The following STAG1 variants were observed in gnomAD, a reference collection of about 807,000 sequenced individuals.
STAG1 encodes the protein STAG1 cohesin complex component.
STAG1 carries 26 observed loss-of-function variants against 170.9 expected under a neutral mutation model. That is an observed-to-expected ratio of 0.15 (90% CI 0.11 to 0.21). STAG1 has a LOEUF of 0.21. Ranked by LOEUF, STAG1 falls within the 10% of genes least tolerant of loss-of-function variation. The pLI is 1.00. For missense variants in STAG1, 964 were observed against 1,509.5 expected (o/e 0.64, Z 5.99); for synonymous variants, 514 against 497.7 (o/e 1.03, Z -0.44).
At chr3:136,655,734 A>T (rs1941350310) in intron 1 of STAG1, among the ~76,000 whole-genome samples, 1 of 152,126 alleles carries the variant, frequency 6.6e-6, no homozygotes, top group Non-Finnish European at 1.5e-5. Context: ...TCTGCACTCC[A>T]GCCTGGGTGG....
In STAG1 at chr3:136,343,884, G is replaced by C; in HGVS notation, c.3394C>G (p.Gln1132Glu). Residue 1132 changes from glutamine to glutamate, a missense_variant, in exon 30 of 34, where the codon CAG becomes GAG. By Grantham distance (29) the Gln-to-Glu change is conservative (BLOSUM62 2). Around this residue, in one of 11 missense-constraint regions of STAG1, gnomAD observed 122 missense variants for 129.0 expected, o/e 0.95. Transcript: ENST00000383202. ...LRENSRPMGD[Q>E]IQEPESEHGS... The stretch of plus-strand genomic sequence containing the variant: ...TGTTCAGACTCAGGTTCTTGAATCT[G>C]GTCTCCCATGGGCCGACTGTTCTCC... 1 of 1,601,276 alleles carries C rather than the reference G, an allele frequency of 6.2e-7. No individual in the cohort carries two copies. Among genetic ancestry groups the C allele is most frequent in the Non-Finnish European group, 8.5e-7 (1 of 1,173,958 alleles).
intron 1 of STAG1, among the ~76,000 whole-genome samples, chr3:136,673,845 G>T (rs1942046822): frequency 6.6e-6 from 1 of 151,942 alleles, no homozygotes; most frequent in South Asian, 2.1e-4. Context: ...GCTCACACCT[G>T]TAATCCCAGC....
intron 6 of STAG1, among the ~76,000 whole-genome samples, chr3:136,529,771 C>A (rs191204442): frequency 2.0e-5 from 3 of 152,112 alleles, no homozygotes; most frequent in Non-Finnish European, 4.4e-5. Context: ...AATGACACTG[C>A]TACAGAAAAT....
chr3:136,554,945 T>C (rs994174441), intron 5 of STAG1, among the ~76,000 whole-genome samples: 1 of 151,654 alleles, frequency 6.6e-6, no homozygotes, highest in Non-Finnish European at 1.5e-5. Context: ...AGAACAAATA[T>C]GCTTCTAAAT....
At chr3:136,514,369 C>T (rs939675036) in intron 7 of STAG1, among the ~76,000 whole-genome samples, 3 of 152,198 alleles carry the variant, frequency 2.0e-5, no homozygotes, top group Admixed American at 2.0e-4. Context: ...AAGATACCAT[C>T]TCACACCAGT....
At chr3:136,678,068 C>T (rs1026627516) in intron 1 of STAG1, among the ~76,000 whole-genome samples, 1 of 150,014 alleles carries the variant, frequency 6.7e-6, no homozygotes, top group Admixed American at 6.7e-5. Context: ...TAGTGAAGGG[C>T]ATAAACTTTA....
intron 6 of STAG1, among the ~76,000 whole-genome samples, chr3:136,526,634 CATT>C (rs1219691383): frequency 6.6e-6 from 1 of 152,118 alleles, no homozygotes; most frequent in East Asian, 1.9e-4. Context: ...TTGATCCTGT[CATT>C]ATGTTACCTG....
intron 3 of STAG1, 54 bp from the exon 4 acceptor site, chr3:136,604,527 T>C (rs1938838967): frequency 1.4e-6 from 2 of 1,461,134 alleles, no homozygotes; most frequent in South Asian, 1.4e-5. Context: ...TTGCTTTATA[T>C]AAAATGATCA....
At chr3:136,460,691 A>C (rs183116893) in intron 13 of STAG1, among the ~76,000 whole-genome samples, 3,022 of 147,080 alleles carry the variant, frequency 0.021, 69 homozygotes, top group African/African-American at 0.051. Flanking sequence ...CTCCCCCCCC[A>C]AAAAAAAAAG....
intron 29 of STAG1, 51 bp from the exon 30 acceptor site, chr3:136,344,057 G>A: frequency 7.1e-7 from 1 of 1,405,508 alleles, no homozygotes; most frequent in South Asian, 1.5e-5. Context: ...AGTGAACTCT[G>A]GTAGCAGTCA....
At chr3:136,438,836 A>T (rs1308658600) in intron 15 of STAG1, among the ~76,000 whole-genome samples, 4 of 152,116 alleles carry the variant, frequency 2.6e-5, no homozygotes, top group African/African-American at 9.7e-5. Flanking sequence ...TATTATTTAC[A>T]GCTACTTCAT....
At chr3:136,363,859 T>G (rs1936974091) in intron 25 of STAG1, among the ~76,000 whole-genome samples, 2 of 152,132 alleles carry the variant, frequency 1.3e-5, no homozygotes, top group Admixed American at 6.5e-5. Flanking sequence ...GCTCTGGTGA[T>G]CCTCCCACCT....
intron 13 of STAG1, among the ~76,000 whole-genome samples, chr3:136,454,152 C>A (rs558039885): frequency 6.6e-6 from 1 of 151,960 alleles, no homozygotes. Context: ...TGGAGTGCAG[C>A]GGCACAATCT....
chr3:136,689,816 G>A (rs949930974), intron 1 of STAG1, among the ~76,000 whole-genome samples: 6 of 151,908 alleles, frequency 3.9e-5, no homozygotes, highest in East Asian at 3.9e-4. Context: ...CAAGGTGGGC[G>A]GATCATATGA....
intron 1 of STAG1, among the ~76,000 whole-genome samples, chr3:136,709,158 C>T (rs905982447): frequency 1.1e-4 from 17 of 151,618 alleles, no homozygotes; most frequent in African/African-American, 3.6e-4. Flanking sequence ...GATGTGCTGG[C>T]GCATGCCTGT....
chr3:136,631,231 G>A (rs1940317947), intron 1 of STAG1, among the ~76,000 whole-genome samples: 2 of 152,164 alleles, frequency 1.3e-5, no homozygotes, highest in South Asian at 4.1e-4. Context: ...ATATTATTTG[G>A]CATTAAAATT....
At chr3:136,364,224 AG>A (rs1346205366) in intron 25 of STAG1, among the ~76,000 whole-genome samples, 1 of 151,928 alleles carries the variant, frequency 6.6e-6, no homozygotes, top group African/African-American at 2.4e-5. Context: ...ATGGGACAAC[AG>A]GTGTGTGCCA....
chr3:136,631,555 T>C (rs1940329030), intron 1 of STAG1, among the ~76,000 whole-genome samples: 1 of 152,088 alleles, frequency 6.6e-6, no homozygotes, highest in South Asian at 2.1e-4. Context: ...AAGTAGCAAC[T>C]TGGGGTGATA....
intron 7 of STAG1, among the ~76,000 whole-genome samples, chr3:136,503,088 G>GT (rs1437596848): frequency 1.3e-5 from 2 of 152,108 alleles, no homozygotes; most frequent in East Asian, 3.9e-4. Context: ...AAATACACAC[G>GT]TAAGGGCACA....
Sources: gnomAD v4.1 joint callset for allele counts (sites outside exome capture counted in the v4.1 genomes callset) on GRCh38, gnomAD v4.1.1 for gene constraint, gnomAD v4.1.1 regional missense constraint, MANE v1.5 for transcripts, NCBI Gene and HGNC (gene_info 2026-07-23, HGNC 2026-07-21) for gene names.